Variants in RFC3 observed in about 807,000 individuals in gnomAD.
RFC3 encodes the protein replication factor C subunit 3.
A neutral mutation model predicts 45.1 loss-of-function variants in RFC3; 41 were observed. The observed-to-expected ratio is 0.91, with a 90% CI of 0.71 to 1.18. The LOEUF is 1.18. Among genes scored for constraint, RFC3 ranks in the 50% most tolerant of loss-of-function variants. The pLI is 0.00. For missense variants in RFC3, 423 were observed against 428.1 expected (o/e 0.99, Z 0.10); for synonymous variants, 149 against 144.0 (o/e 1.03, Z -0.25).
At chr13:33,925,583 T>TATAGTGTACTATATACATACATAC (rs1566030926) in intron 8 of RFC3, among the ~76,000 whole-genome samples, 4 of 107,724 alleles carry the variant, frequency 3.7e-5, no homozygotes, top group African/African-American at 1.1e-4. Flanking sequence ...TACATACATA[T>TATAGTGTACTATATACATACATAC]ATAGTGTACT....
intron 8 of RFC3, among the ~76,000 whole-genome samples, chr13:33,884,935 C>G (rs1250135458): frequency 1.3e-5 from 2 of 152,200 alleles, no homozygotes; most frequent in Non-Finnish European, 2.9e-5. Context: ...CTCCGTTGCT[C>G]TCATACCCAG....
In RFC3 at chr13:33,823,286, A is replaced by G. The variant is rs3135563; in HGVS notation, c.226-631A>G. Among the ~76,000 whole-genome samples, 530 of 152,288 alleles carry G rather than the reference A, an allele frequency of 3.5e-3. 5 individuals are homozygous for G. Among genetic ancestry groups the G allele is most frequent in the African/African-American group, 0.012 (504 of 41,576 alleles). ...TTAGAAAACACATTCCCTTCAATCC[A>G]GAAAACTGGGAATCTCTTACATAGA... On this transcript the variant is annotated intron_variant, in intron 2 of 8. Coordinates refer to ENST00000380071, the MANE Select transcript of RFC3 (RefSeq NM_002915.4).
chr13:33,906,065 A>G (rs2082670227), intron 8 of RFC3, among the ~76,000 whole-genome samples: 1 of 152,116 alleles, frequency 6.6e-6, no homozygotes, highest in Non-Finnish European at 1.5e-5. Context: ...AGCACTACTT[A>G]TAATGCTATG....
downstream of RFC3, among the ~76,000 whole-genome samples, chr13:33,838,239 G>A (rs3135646): frequency 6.6e-6 from 1 of 151,988 alleles, no homozygotes; most frequent in East Asian, 1.9e-4. Context: ...TGTATGAAAT[G>A]CCCTTTTTTA....
chr13:33,855,279 G>A (rs1046572264), intron 8 of RFC3, among the ~76,000 whole-genome samples: 1 of 152,022 alleles, frequency 6.6e-6, no homozygotes, highest in Admixed American at 6.6e-5. Context: ...TTAATGCTCC[G>A]AGCAAGCACA....
chr13:33,840,600 T>G (rs1156353011), downstream of RFC3, among the ~76,000 whole-genome samples: 1 of 151,752 alleles, frequency 6.6e-6, no homozygotes, highest in African/African-American at 2.4e-5. Flanking sequence ...TTGTGTGTGT[T>G]TTTTTTTAAC....
chr13:33,930,341 G>GC (rs1436423048), intron 8 of RFC3, among the ~76,000 whole-genome samples: 1 of 152,098 alleles, frequency 6.6e-6, no homozygotes, highest in Non-Finnish European at 1.5e-5. Flanking sequence ...AGGCCTGAAA[G>GC]CCCCTCAGAA....
chr13:33,944,518 T>C (rs2082943587), intron 8 of RFC3, among the ~76,000 whole-genome samples: 3 of 152,112 alleles, frequency 2.0e-5, no homozygotes, highest in Admixed American at 1.3e-4. Context: ...CCCTAGAAAC[T>C]GTTGGTTATG....
At chr13:33,858,714 G>A (rs573344512) in intron 8 of RFC3, among the ~76,000 whole-genome samples, 5 of 152,022 alleles carry the variant, frequency 3.3e-5, no homozygotes, top group African/African-American at 4.8e-5. Context: ...TTTTTTTATC[G>A]AGAAAAAGTG....
chr13:33,862,313 A>G (rs888952624), intron 8 of RFC3, among the ~76,000 whole-genome samples: 5 of 143,074 alleles, frequency 3.5e-5, no homozygotes, highest in Admixed American at 1.5e-4. Context: ...ATGGAATCCC[A>G]TAGGGACAGA....
chr13:33,961,102 T>C (rs1322202363), intron 8 of RFC3, among the ~76,000 whole-genome samples: 1 of 152,238 alleles, frequency 6.6e-6, no homozygotes, highest in African/African-American at 2.4e-5. Flanking sequence ...TAAAACATTA[T>C]TTGTTGTCTA....
chr13:33,977,229 A>G, the RFC3 span, among the ~76,000 whole-genome samples: 1 of 152,182 alleles, frequency 6.6e-6, no homozygotes, highest in Non-Finnish European at 1.5e-5. Context: ...ATAATAATGC[A>G]TAGTCTTGGT....
At chr13:33,965,709 A>G (rs1168370888) in intron 8 of RFC3, among the ~76,000 whole-genome samples, 1 of 152,178 alleles carries the variant, frequency 6.6e-6, no homozygotes, top group Non-Finnish European at 1.5e-5. Flanking sequence ...TTGGATCACC[A>G]CCTCTTATCA....
chr13:33,944,103 G>C (rs1445901662), intron 8 of RFC3, among the ~76,000 whole-genome samples: 1 of 152,170 alleles, frequency 6.6e-6, no homozygotes, highest in African/African-American at 2.4e-5. Flanking sequence ...TGCAGCCTGA[G>C]AAAGGATTGA....
At chr13:33,970,059 C>A (rs1222766298), downstream of RFC3, among the ~76,000 whole-genome samples, 1 of 152,048 alleles carries the variant, frequency 6.6e-6, no homozygotes, top group African/African-American at 2.4e-5. Context: ...CATCCTTTAG[C>A]CATTCTTCCT....
At chr13:33,902,475 A>T (rs768595942) in intron 8 of RFC3, among the ~76,000 whole-genome samples, 5 of 152,068 alleles carry the variant, frequency 3.3e-5, no homozygotes, top group Non-Finnish European at 1.5e-5. Context: ...ATCAGTGGTA[A>T]AAAAGGATTT....
chr13:33,905,860 C>G (rs1448626633), intron 8 of RFC3, among the ~76,000 whole-genome samples: 7 of 152,052 alleles, frequency 4.6e-5, no homozygotes, highest in Non-Finnish European at 5.9e-5. Flanking sequence ...TGATAAATGT[C>G]TGACCTGATA....
intron 8 of RFC3, among the ~76,000 whole-genome samples, chr13:33,927,900 G>A (rs2082825592): frequency 6.6e-6 from 1 of 152,074 alleles, no homozygotes; most frequent in East Asian, 1.9e-4. Context: ...CAATATGACA[G>A]TAGAATAGAA....
At chr13:33,879,856 T>A (rs1242659553) in intron 8 of RFC3, among the ~76,000 whole-genome samples, 1 of 152,254 alleles carries the variant, frequency 6.6e-6, no homozygotes, top group Non-Finnish European at 1.5e-5. Flanking sequence ...GGACAGAATC[T>A]GTTTTCTTGC....
Sources: allele counts gnomAD v4.1 joint callset (sites outside exome capture counted in the v4.1 genomes callset), GRCh38; gene constraint gnomAD v4.1.1; transcripts MANE v1.5; gene names NCBI Gene and HGNC (gene_info 2026-07-23, HGNC 2026-07-21).